The following ATP11A variants were observed in gnomAD, a reference collection of about 807,000 sequenced individuals.
ATP11A encodes the protein ATPase phospholipid transporting 11A, also known as phospholipid-transporting ATPase IH.
A neutral mutation model predicts 154.4 loss-of-function variants in ATP11A; 81 were observed. The observed-to-expected ratio is 0.52, with a 90% confidence interval of 0.44 to 0.63. The LOEUF (loss-of-function observed/expected upper bound fraction) is 0.63. ATP11A is among the 30% of genes least tolerant of loss of function. The probability of loss-of-function intolerance (pLI) is 0.00; values close to 1 mark genes in which losing one functional copy is unlikely to be tolerated. For synonymous variants in ATP11A, 623 were observed against 585.9 expected, an observed-to-expected ratio of 1.06 and a Z score of -0.91; for missense variants, 1,316 against 1,474.3, an observed-to-expected ratio of 0.89 and a Z score of 1.76.
chr13:112,717,595 G>T (rs1387213565), intron 1 of ATP11A: 1 of 152,184 alleles, frequency 6.6e-6, no homozygotes, highest in African/African-American at 2.4e-5. Flanking sequence ...CAAGTTTATA[G>T]ATTTTCATTT....
chr13:112,840,588 C>T (rs2079384358), intron 16 of ATP11A, among the ~76,000 whole-genome samples: 1 of 151,340 alleles, frequency 6.6e-6, no homozygotes, highest in Non-Finnish European at 1.5e-5. Flanking sequence ...CCCCCATGCC[C>T]TCCAGCCTTT....
chr13:112,764,806 G>A lies in ATP11A; in HGVS notation c.40-20329G>A, dbSNP rs570546995. On this transcript the variant is annotated intron_variant, in intron 1 of 29. Transcript: ENST00000375645. The stretch of plus-strand genomic sequence containing the variant: ...ACTGAGGTGAATGGGACCCAGGCAC[G>A]TTTTCTTATGGAATGTCCACAGCCT... Among the ~76,000 whole-genome samples the A allele has an allele frequency of 5.9e-5, 9 of 152,274 alleles. No individual in the cohort carries two copies. In the East Asian group the frequency reaches 7.7e-4, roughly 13 times the overall value.
At position 112,884,941 on chromosome 13, in the gene ATP11A, C is replaced by T. The variant is rs1371231796; in HGVS notation, c.*3075C>T. Reference sequence around the variant, plus strand: ...GTGTTACCTGGCTTTTGGCTCCACGCTCACTCATAGCCATGTCCACATGGG... The same window carrying T: ...GTGTTACCTGGCTTTTGGCTCCACGTTCACTCATAGCCATGTCCACATGGG... On this transcript the variant is annotated 3_prime_UTR_variant, in exon 30 of 30. Transcript: ENST00000375645. 1 of 152,542 alleles carries T rather than the reference C, an allele frequency of 6.6e-6. No individual in the cohort carries two copies. The highest frequency in any genetic ancestry group is 1.9e-4 in the East Asian group (1 of 5,202). The allele number at this position is 152,542 out of a possible 1,614,324, so 9.4% of individuals were successfully genotyped here. A position where few individuals can be genotyped will look rare whatever the true frequency, so the allele number is the denominator to read the frequency against.
chr13:112,879,818 T>G (rs758470203), intron 29 of ATP11A, among the ~76,000 whole-genome samples: 4 of 152,258 alleles, frequency 2.6e-5, no homozygotes, highest in African/African-American at 7.2e-5. Flanking sequence ...TGGATGGCTT[T>G]CTTTTAACCT....
In ATP11A at chr13:112,690,411, G is replaced by A; in HGVS notation, c.-6G>A. 7.6e-7 allele frequency: 1 copy of A among 1,309,616 alleles called. No homozygotes were observed. Among genetic ancestry groups the A allele is most frequent in the Non-Finnish European group, 9.7e-7 (1 of 1,028,916 alleles). The allele number at this position is 1,309,616 out of a possible 1,614,324, so 81.1% of individuals were successfully genotyped here. A position where few individuals can be genotyped will look rare whatever the true frequency, so the allele number is the denominator to read the frequency against. Reference sequence around the variant, plus strand: ...GAACGGCGGAGCGGGAGCGGCCGGAGGAGCCATGGACTGCAGCCTCGTGCG... The same window carrying A: ...GAACGGCGGAGCGGGAGCGGCCGGAAGAGCCATGGACTGCAGCCTCGTGCG... On this transcript the variant is annotated 5_prime_UTR_variant, in exon 1 of 30. Transcript: ENST00000375645. This position sits in a 1 kb window ranked among gnomAD's most constrained non-coding sequence, Gnocchi z 5.6.
At chr13:112,803,896 C>CT (rs1174501391) in intron 2 of ATP11A, among the ~76,000 whole-genome samples, 1 of 78,960 alleles carries the variant, frequency 1.3e-5, no homozygotes, top group Admixed American at 1.4e-4. Flanking sequence ...CATTCCCCTC[C>CT]TTCCCTCCTT....
chr13:112,708,190 A>T (rs1020402587), intron 1 of ATP11A, among the ~76,000 whole-genome samples: 3 of 152,228 alleles, frequency 2.0e-5, no homozygotes, highest in Admixed American at 2.0e-4. Flanking sequence ...AACCAGCAGG[A>T]TGCAGAAAAT....
chr13:112,776,614 G>C (rs918027468), intron 1 of ATP11A, among the ~76,000 whole-genome samples: 1 of 151,844 alleles, frequency 6.6e-6, no homozygotes, highest in African/African-American at 2.4e-5. Context: ...TTATTTTTTT[G>C]AGACAGAGTC....
At chr13:112,814,368 T>A (rs951941035) in intron 5 of ATP11A, among the ~76,000 whole-genome samples, 1 of 152,130 alleles carries the variant, frequency 6.6e-6, no homozygotes, top group Admixed American at 6.5e-5. Flanking sequence ...TGGCTGATTT[T>A]TTTTTTTTCT....
intron 25 of ATP11A, among the ~76,000 whole-genome samples, chr13:112,867,605 G>A (rs1056604073): frequency 2.0e-5 from 3 of 152,220 alleles, no homozygotes; most frequent in Non-Finnish European, 2.9e-5. Flanking sequence ...GCTGCACCTG[G>A]TGGTCAGTGG....
At chr13:112,765,183 C>A (rs1299388715) in intron 1 of ATP11A, among the ~76,000 whole-genome samples, 1 of 150,610 alleles carries the variant, frequency 6.6e-6, no homozygotes, top group African/African-American at 2.5e-5. Flanking sequence ...AGCTTCTCCC[C>A]CTGGGTCTTC....
intron 28 of ATP11A, among the ~76,000 whole-genome samples, 182 bp from the exon 29 acceptor site, chr13:112,878,035 C>T (rs895291926): frequency 5.3e-5 from 8 of 152,326 alleles, no homozygotes; most frequent in African/African-American, 1.7e-4. Flanking sequence ...CGGTGGGGGG[C>T]ACCAGTGTCC....
At chr13:112,802,804 A>G (rs2078174575) in intron 2 of ATP11A, among the ~76,000 whole-genome samples, 1 of 152,232 alleles carries the variant, frequency 6.6e-6, no homozygotes, top group African/African-American at 2.4e-5. Flanking sequence ...TGAGCTTTGC[A>G]AAATACAGTT....
intron 26 of ATP11A, among the ~76,000 whole-genome samples, chr13:112,872,481 C>T (rs571355658): frequency 1.1e-4 from 16 of 152,278 alleles, no homozygotes; most frequent in African/African-American, 2.9e-4. Context: ...CATGGTGGCA[C>T]GCGCCTGTAA....
intron 1 of ATP11A, among the ~76,000 whole-genome samples, chr13:112,704,086 C>G (rs1246228445): frequency 6.6e-6 from 1 of 152,218 alleles, no homozygotes; most frequent in Non-Finnish European, 1.5e-5. Flanking sequence ...ATACGCTGGT[C>G]CTGCTGTCCC....
At chr13:112,865,589 G>GCCCA (rs1263967397) in intron 25 of ATP11A, among the ~76,000 whole-genome samples, 1 of 152,164 alleles carries the variant, frequency 6.6e-6, no homozygotes, top group African/African-American at 2.4e-5. Flanking sequence ...TCGCTCTGTT[G>GCCCA]CCCAGGTTGG....
rs1178561798 is a variant in ATP11A, at chr13:112,826,732, C to T, written c.1062C>T (p.Val354=). 27 of 1,614,206 alleles carry T rather than the reference C, an allele frequency of 1.7e-5. No homozygotes were observed. Among genetic ancestry groups the T allele is most frequent in the Non-Finnish European group, 2.3e-5 (27 of 1,180,042 alleles). The change falls in exon 12 of 30, where the codon GTC becomes GTT. Residue 354 remains valine, a synonymous_variant. Transcript: ENST00000375645. The stretch of plus-strand genomic sequence containing the variant: ...TCACGGACTTCCTGGCCTTCATGGT[C>T]CTCTTTAACTACATCATCCCTGTGT... ...KAFTDFLAFM[V]LFNYIIPVSM...
intron 1 of ATP11A, among the ~76,000 whole-genome samples, chr13:112,783,595 G>A (rs2077551509): frequency 6.6e-6 from 1 of 152,212 alleles, no homozygotes. Context: ...TCCCCTCATG[G>A]AGGAGGCTTC....
At chr13:112,861,514 G>A (rs929648278) in intron 24 of ATP11A, among the ~76,000 whole-genome samples, 3 of 152,212 alleles carry the variant, frequency 2.0e-5, no homozygotes, top group Non-Finnish European at 4.4e-5. Context: ...TACATGACAC[G>A]TGTATGTGTG....
Sources: allele counts gnomAD v4.1 joint callset (sites outside exome capture counted in the v4.1 genomes callset), GRCh38; gene constraint gnomAD v4.1.1; non-coding constraint Gnocchi (gnomAD v3.1); transcripts MANE v1.5; gene names NCBI Gene and HGNC (gene_info 2026-07-23, HGNC 2026-07-21).